Variants in CNTLN observed in about 807,000 individuals in gnomAD.
CNTLN encodes the protein centlein.
Under a neutral mutation model 180.0 loss-of-function variants are expected in CNTLN, and 212 were observed. That is an observed-to-expected ratio of 1.18 (90% confidence interval 1.05 to 1.32). The LOEUF is 1.32. Among genes scored for constraint, CNTLN ranks in the 40% most tolerant of loss-of-function variants. CNTLN has a pLI of 0.00. For synonymous variants in CNTLN, 722 were observed against 563.1 expected (o/e 1.28, Z -3.99); for missense variants, 2,095 against 1,610.9 (o/e 1.30, Z -5.14).
At chr9:17,267,409 C>A (rs866162606) in intron 5 of CNTLN, among the ~76,000 whole-genome samples, 2 of 152,192 alleles carry the variant, frequency 1.3e-5, no homozygotes, top group Non-Finnish European at 2.9e-5. Flanking sequence ...GAGAGCTCCG[C>A]TGTTCGTCTG....
intron 25 of CNTLN, among the ~76,000 whole-genome samples, chr9:17,498,733 A>C (rs541883764): frequency 5.9e-5 from 9 of 152,310 alleles, no homozygotes; most frequent in African/African-American, 2.2e-4. Flanking sequence ...AAAAGAAATC[A>C]TGCAGGCTCT....
At chr9:17,397,768 G>C (rs963563134) in intron 15 of CNTLN, among the ~76,000 whole-genome samples, 6 of 152,080 alleles carry the variant, frequency 3.9e-5, no homozygotes, top group Non-Finnish European at 5.9e-5. Flanking sequence ...CACATACTTT[G>C]AGAGACATAT....
At chr9:17,396,037 C>T (rs1213109090) in intron 15 of CNTLN, among the ~76,000 whole-genome samples, 1 of 152,200 alleles carries the variant, frequency 6.6e-6, no homozygotes, top group Non-Finnish European at 1.5e-5. Context: ...AGAGTGATCT[C>T]TGGTTGTCTT....
chr9:17,504,343 A>T (rs528914448), downstream of CNTLN, among the ~76,000 whole-genome samples: 8 of 152,216 alleles, frequency 5.3e-5, no homozygotes, highest in African/African-American at 1.9e-4. Flanking sequence ...ATAAAAAATT[A>T]CAAAACTTAA....
At chr9:17,274,051 G>A (rs996073662) in intron 6 of CNTLN, among the ~76,000 whole-genome samples, 185 bp downstream of exon 6, 2 of 151,912 alleles carry the variant, frequency 1.3e-5, no homozygotes, top group Non-Finnish European at 2.9e-5. Context: ...AGAATGAGTG[G>A]GTCTACAGGA....
chr9:17,365,586 G>C (rs902451032), intron 12 of CNTLN, among the ~76,000 whole-genome samples: 1 of 151,902 alleles, frequency 6.6e-6, no homozygotes, highest in African/African-American at 2.4e-5. Context: ...TTGGCATCTA[G>C]GAATTTACCA....
chr9:17,340,771 C>T, intron 10 of CNTLN, 56 bp from the exon 11 acceptor site: 1 of 1,440,912 alleles, frequency 6.9e-7, no homozygotes, highest in Non-Finnish European at 9.3e-7. Context: ...TTATTTGAAA[C>T]ATTATATTAA....
chr9:17,348,454 G>T (rs1330732672), intron 12 of CNTLN, among the ~76,000 whole-genome samples: 1 of 151,900 alleles, frequency 6.6e-6, no homozygotes, highest in Admixed American at 6.6e-5. Context: ...ACATTGCATC[G>T]AGAGAGTTTG....
chr9:17,277,323 T>A (rs1828375510), intron 6 of CNTLN, among the ~76,000 whole-genome samples: 1 of 152,074 alleles, frequency 6.6e-6, no homozygotes, highest in Non-Finnish European at 1.5e-5. Flanking sequence ...AGAATTTTTG[T>A]TAGAAATTGA....
intron 2 of CNTLN, among the ~76,000 whole-genome samples, chr9:17,206,087 T>C (rs923503278): frequency 1.3e-5 from 2 of 152,164 alleles, no homozygotes; most frequent in Admixed American, 6.5e-5. Context: ...CTGCCGTCAG[T>C]GCTGGGTATG....
intron 16 of CNTLN, among the ~76,000 whole-genome samples, chr9:17,411,492 A>C (rs1827839555): frequency 6.6e-6 from 1 of 152,258 alleles, no homozygotes; most frequent in Non-Finnish European, 1.5e-5. Flanking sequence ...CCAAGTGTGG[A>C]GCTAGTGATA....
intron 2 of CNTLN, among the ~76,000 whole-genome samples, chr9:17,209,307 A>G (rs1027227352): frequency 6.6e-6 from 1 of 152,074 alleles, no homozygotes; most frequent in Non-Finnish European, 1.5e-5. Context: ...ATTTGTTTGA[A>G]TTTTTAGGAA....
intron 2 of CNTLN, among the ~76,000 whole-genome samples, chr9:17,204,332 A>T (rs1008152739): frequency 6.6e-6 from 1 of 151,414 alleles, no homozygotes; most frequent in African/African-American, 2.4e-5. Context: ...TGACCTTTGG[A>T]TGGGTTTTTT....
chr9:17,311,955 A>G (rs183099250), intron 8 of CNTLN, among the ~76,000 whole-genome samples: 4 of 152,204 alleles, frequency 2.6e-5, no homozygotes, highest in Admixed American at 6.5e-5. Context: ...TTGAGCTAAA[A>G]TATCAAGACA....
At chr9:17,526,609 C>T in the CNTLN span, among the ~76,000 whole-genome samples, 1 of 152,148 alleles carries the variant, frequency 6.6e-6, no homozygotes, top group African/African-American at 2.4e-5. Flanking sequence ...CTCTTTTACT[C>T]ATAAAGGGTC....
At position 17,240,919 on chromosome 9, in the gene CNTLN, C is replaced by T. The variant is rs76180932; in HGVS notation, c.849+4331C>T. 0.018 allele frequency among the ~76,000 whole-genome samples: 2,727 copies of T among 152,160 alleles called. 171 individuals are homozygous for T. The East Asian group carries it at 0.24, about 13-fold the overall frequency. On this transcript the variant is annotated intron_variant, in intron 5 of 25. Transcript: ENST00000380647. ...TGTCACCCAGGCTGGAGTGCAGTGG[C>T]AAGATCTCTGCTCACTGCAAGCTCT...
chr9:17,198,740 T>C (rs141799563), intron 2 of CNTLN, among the ~76,000 whole-genome samples: 2,765 of 151,320 alleles, frequency 0.018, 58 homozygotes, highest in African/African-American at 0.048. Context: ...CCACGTGTTC[T>C]CATTGTTCAA....
chr9:17,491,576 A>G lies in CNTLN; in HGVS notation c.4119+4510A>G, dbSNP rs563638279. The stretch of plus-strand genomic sequence containing the variant: ...ATGGTGTGTTGCTTTATTCTTTGTT[A>G]TTTGCTAATCCTTTTTTAGGTTTCA... On this transcript the variant is annotated intron_variant, in intron 25 of 25. Coordinates refer to ENST00000380647, the MANE Select transcript of CNTLN (RefSeq NM_017738.4). Among the ~76,000 whole-genome samples the G allele has an allele frequency of 2.4e-3, 363 of 152,028 alleles. 1 individual carries two copies. The highest frequency in any genetic ancestry group is 3.5e-3 in the Non-Finnish European group (241 of 67,900).
intron 5 of CNTLN, among the ~76,000 whole-genome samples, chr9:17,262,410 T>A (rs1827063048): frequency 2.6e-5 from 4 of 151,242 alleles, no homozygotes; most frequent in Admixed American, 2.6e-4. Context: ...AGAGAATGAG[T>A]TCACATCCTT....
Sources: gnomAD v4.1 joint callset for allele counts (sites outside exome capture counted in the v4.1 genomes callset) on GRCh38, gnomAD v4.1.1 for gene constraint, MANE v1.5 for transcripts, NCBI Gene and HGNC (gene_info 2026-07-23, HGNC 2026-07-21) for gene names.